Variants in WWOX observed in about 807,000 individuals in gnomAD.
WWOX encodes the protein WW domain containing oxidoreductase, also known as WW domain-containing oxidoreductase.
Under a neutral mutation model 46.2 loss-of-function variants are expected in WWOX, and 69 were observed. The ratio of observed to expected loss-of-function variants is 1.49; its 90% CI spans 1.23 to 1.82. WWOX has a LOEUF of 1.82. Among genes scored for constraint, WWOX ranks in the 40% most tolerant of loss-of-function variants. The pLI, the probability that WWOX is intolerant of heterozygous loss-of-function variation, is 0.00. For synonymous variants in WWOX, 359 were observed against 202.6 expected (o/e 1.77, Z -6.56); for missense variants, 919 against 542.6 (o/e 1.69, Z -6.89).
chr16:78,407,743 C>A (rs547963626), intron 6 of WWOX, among the ~76,000 whole-genome samples: 1 of 152,166 alleles, frequency 6.6e-6, no homozygotes, highest in African/African-American at 2.4e-5. Flanking sequence ...GGCTATTCAA[C>A]GTCCTGTAGA....
chr16:79,006,459 G>C (rs1442947862), intron 8 of WWOX, among the ~76,000 whole-genome samples: 1 of 152,000 alleles, frequency 6.6e-6, no homozygotes, highest in African/African-American at 2.4e-5. Context: ...CTAAGCTGTA[G>C]ATAACAAAAA....
chr16:78,654,317 T>C (rs917537418), intron 8 of WWOX, among the ~76,000 whole-genome samples: 4 of 152,228 alleles, frequency 2.6e-5, no homozygotes, highest in African/African-American at 9.6e-5. Context: ...TGTAAAAATA[T>C]AAAATAATCT....
intron 8 of WWOX, among the ~76,000 whole-genome samples, chr16:79,158,484 C>T (rs1002255946): frequency 7.0e-6 from 1 of 143,164 alleles, no homozygotes; most frequent in African/African-American, 3.0e-5. Context: ...CATGGCTTCC[C>T]ACCACACTTA....
chr16:78,160,661 T>A (rs1293903500), intron 4 of WWOX, among the ~76,000 whole-genome samples: 1 of 152,248 alleles, frequency 6.6e-6, no homozygotes, highest in Non-Finnish European at 1.5e-5. Flanking sequence ...AAGAGCATAC[T>A]TTCTAATTTT....
intron 1 of WWOX, among the ~76,000 whole-genome samples, chr16:78,101,045 T>A (rs1434074987): frequency 6.7e-6 from 1 of 148,526 alleles, no homozygotes; most frequent in Non-Finnish European, 1.5e-5. Flanking sequence ...CCAGAGGGTT[T>A]TTCTTTTTTT....
At chr16:79,121,018 C>T (rs2049619878) in intron 8 of WWOX, among the ~76,000 whole-genome samples, 1 of 152,226 alleles carries the variant, frequency 6.6e-6, no homozygotes, top group East Asian at 1.9e-4. Context: ...ATCCACCTGC[C>T]TTGGCCTCCC....
intron 5 of WWOX, among the ~76,000 whole-genome samples, chr16:78,281,777 T>C (rs1337742933): frequency 6.6e-6 from 1 of 152,124 alleles, no homozygotes; most frequent in Non-Finnish European, 1.5e-5. Context: ...CTGTGTGCTG[T>C]ATAAGAACAC....
At chr16:78,791,027 A>C (rs1057275094) in intron 8 of WWOX, among the ~76,000 whole-genome samples, 29 of 150,010 alleles carry the variant, frequency 1.9e-4, no homozygotes, top group Non-Finnish European at 3.7e-4. Flanking sequence ...TCAAAAAAAA[A>C]AAAAAAAAAA....
At chr16:78,580,556 A>G (rs971631811) in intron 8 of WWOX, among the ~76,000 whole-genome samples, 3 of 152,270 alleles carry the variant, frequency 2.0e-5, no homozygotes, top group Non-Finnish European at 4.4e-5. Context: ...AGGCCTGAAC[A>G]AAAGACACAG....
intron 5 of WWOX, chr16:78,278,737 G>A: frequency 7.5e-7 from 1 of 1,340,456 alleles, no homozygotes; most frequent in Non-Finnish European, 1.0e-6. Context: ...GTCTTTTCAT[G>A]TTTTGACTTC....
chr16:78,433,380 G>C (rs955684292), intron 8 of WWOX, among the ~76,000 whole-genome samples: 1 of 152,144 alleles, frequency 6.6e-6, no homozygotes, highest in Non-Finnish European at 1.5e-5. Flanking sequence ...TTCATTTATC[G>C]ACCATATTAA....
At chr16:78,652,305 A>C (rs12925191) in intron 8 of WWOX, among the ~76,000 whole-genome samples, 4 of 149,780 alleles carry the variant, frequency 2.7e-5, no homozygotes, top group Non-Finnish European at 5.9e-5. Context: ...GCTACTCGGG[A>C]GCCTGAGGCA....
At chr16:78,141,430 C>CTTTTTTTTTTTTTTTTTTTTTTTTTTTT (rs10639685) in intron 4 of WWOX, among the ~76,000 whole-genome samples, 1 of 118,964 alleles carries the variant, frequency 8.4e-6, no homozygotes, top group Non-Finnish European at 1.7e-5. Context: ...CATCCCCCTT[C>CTTTTTTTTTTTTTTTTTTTTTTTTTTTT]TTTTTTTTTT....
rs544638792 is a variant in WWOX at position 78,304,402 on chromosome 16, C to T, written c.517-82458C>T. On this transcript the variant is annotated intron_variant, in intron 5 of 8. Transcript: ENST00000566780. ...GGTTTCCCCACTTTTTCCAGCCATG[C>T]TGTTGCCTTCTGCAGAGGCTTCTAG... Among the ~76,000 whole-genome samples, 6 of 152,294 alleles carry T rather than the reference C, an allele frequency of 3.9e-5. No individual in the cohort carries two copies. The South Asian group carries it at 1.2e-3, about 32-fold the overall frequency.
intron 5 of WWOX, among the ~76,000 whole-genome samples, chr16:78,236,591 T>C (rs2037446333): frequency 6.6e-6 from 1 of 152,180 alleles, no homozygotes; most frequent in Non-Finnish European, 1.5e-5. Flanking sequence ...GTTGCCCATT[T>C]TAATTCAAGG....
At chr16:78,716,643 C>T (rs940504379) in intron 8 of WWOX, among the ~76,000 whole-genome samples, 2 of 152,030 alleles carry the variant, frequency 1.3e-5, no homozygotes, top group Non-Finnish European at 1.5e-5. Flanking sequence ...TGATAACGCT[C>T]CTCTCACTGT....
At chr16:79,049,049 A>G (rs528352856) in intron 8 of WWOX, among the ~76,000 whole-genome samples, 1 of 152,326 alleles carries the variant, frequency 6.6e-6, no homozygotes, top group South Asian at 2.1e-4. Context: ...TACAAAAGCG[A>G]CAAGGTTTCT....
intron 8 of WWOX, among the ~76,000 whole-genome samples, chr16:78,854,974 G>T (rs184692055): frequency 6.6e-6 from 1 of 150,812 alleles, no homozygotes; most frequent in South Asian, 2.1e-4. Context: ...TGAAGTAATG[G>T]CTTCTCAAAT....
chr16:78,320,957 T>A (rs2080454789), intron 5 of WWOX, among the ~76,000 whole-genome samples: 1 of 152,198 alleles, frequency 6.6e-6, no homozygotes, highest in South Asian at 2.1e-4. Flanking sequence ...TTAATTGTCT[T>A]GTTTACAATT....
Sources: gnomAD v4.1 joint callset for allele counts (sites outside exome capture counted in the v4.1 genomes callset) on GRCh38, gnomAD v4.1.1 for gene constraint, MANE v1.5 for transcripts, NCBI Gene and HGNC (gene_info 2026-07-23, HGNC 2026-07-21) for gene names.